The following EXOC5 variants were observed in gnomAD, a reference collection of about 807,000 sequenced individuals.
The protein encoded by EXOC5 is exocyst complex component 5, also known as SEC10-like 1.
Under a neutral mutation model 90.8 loss-of-function variants are expected in EXOC5, and 17 were observed. The observed-to-expected ratio is 0.19, with a 90% CI of 0.13 to 0.28. The LOEUF is 0.28. Ranked by LOEUF, EXOC5 falls within the 10% of genes least tolerant of loss-of-function variation. The probability of loss-of-function intolerance (pLI) is 1.00; values close to 1 mark genes in which losing one functional copy is unlikely to be tolerated. For synonymous variants in EXOC5, 260 were observed against 270.0 expected (o/e 0.96, Z 0.36); for missense variants, 569 against 830.6 (o/e 0.69, Z 3.87).
In EXOC5 at chr14:57,234,845, G is replaced by C. The variant is rs564109182; in HGVS notation, c.670-813C>G. Among the ~76,000 whole-genome samples, 6 of 152,224 alleles carry C rather than the reference G, an allele frequency of 3.9e-5. No homozygotes were observed. The South Asian group carries it at 1.2e-3, about 32-fold the overall frequency. On this transcript the variant is annotated intron_variant, in intron 7 of 17. Transcript: ENST00000621441. Reference sequence around the variant, plus strand: ...CTCCCAAAATACTAGGATTACAGGAGTGAGCCATTGCGCCTGGCCTTCTCT... The same window carrying C: ...CTCCCAAAATACTAGGATTACAGGACTGAGCCATTGCGCCTGGCCTTCTCT...
chr14:57,209,694 A>G lies in EXOC5; in HGVS notation c.1811T>C (p.Met604Thr), dbSNP rs769150822. 2 of 1,612,926 alleles carry G rather than the reference A, an allele frequency of 1.2e-6. No individual in the cohort carries two copies. Among genetic ancestry groups the G allele is most frequent in the South Asian group, 2.2e-5 (2 of 90,976 alleles). The change falls in exon 17 of 18, where the codon ATG (methionine) becomes ACG (threonine). Residue 604 changes from methionine to threonine, a missense_variant. Met to Thr is a moderately conservative substitution (Grantham distance 81). Transcript: ENST00000621441. ...MDGKNVDTVL[M>T]ELGVRFHRLI... ...TCGATGAAAACGTACTCCAAGTTCC[A>G]TCAAAACTGTATCCACATTCTTCCC...
At position 57,205,873 on chromosome 14, in the gene EXOC5, C is replaced by G. The variant is rs1882635442; in HGVS notation, c.*2736G>C. ...AAGGACTTGCAACTATGGCAATCCT[C>G]AAAATGGGACCAAAAATTGTCCTGG... On this transcript the variant is annotated 3_prime_UTR_variant, in exon 18 of 18. Transcript: ENST00000621441. The G allele has an allele frequency of 2.2e-6, 1 of 455,864 alleles. No homozygotes were observed. Among genetic ancestry groups the G allele is most frequent in the African/African-American group, 2.0e-5 (1 of 50,004 alleles). The allele number at this position is 455,864 out of a possible 1,614,324, so 28.2% of individuals were successfully genotyped here.
In EXOC5 at chr14:57,201,430, AC is replaced by A. The variant is rs1882495795; in HGVS notation, c.*7178del. 1.2e-5 allele frequency: 1 copy of A among 82,150 alleles called. No individual in the cohort carries two copies. The highest frequency in any genetic ancestry group is 2.6e-4 in the African/African-American group (1 of 3,880). 5.1% of individuals were successfully genotyped at this position (82,150 alleles called of 1,614,324 possible). A position where few individuals can be genotyped will look rare whatever the true frequency, so the allele number is the denominator to read the frequency against. ...AGAATTCTGATTAGTATATATATAT[AC>A]ACACACACACGTGTGTATATATACA... On this transcript the variant is annotated 3_prime_UTR_variant, in exon 18 of 18. Coordinates refer to ENST00000621441, the MANE Select transcript of EXOC5 (RefSeq NM_006544.4).
At chr14:57,220,340 T>C (rs1883092473) in intron 13 of EXOC5, among the ~76,000 whole-genome samples, 1 of 152,086 alleles carries the variant, frequency 6.6e-6, no homozygotes, top group Non-Finnish European at 1.5e-5. Flanking sequence ...TTGTTATTAA[T>C]GAAAGACATA....
intron 10 of EXOC5, chr14:57,232,093 T>C (rs1883504471): frequency 5.9e-6 from 1 of 170,924 alleles, no homozygotes; most frequent in South Asian, 1.5e-4. Flanking sequence ...GTTTTGTCCT[T>C]GTGGACTTTC....
At chr14:57,224,705 A>G (rs150500549) in intron 12 of EXOC5, among the ~76,000 whole-genome samples, 1 of 152,282 alleles carries the variant, frequency 6.6e-6, no homozygotes, top group East Asian at 1.9e-4. Context: ...GGTGGTGGAA[A>G]TATTTCCCAA....
intron 1 of EXOC5, among the ~76,000 whole-genome samples, chr14:57,251,624 A>G (rs888701771): frequency 6.6e-6 from 1 of 152,124 alleles, no homozygotes; most frequent in South Asian, 2.1e-4. Context: ...AGTTATTAGA[A>G]AAAGAAGTAT....
At chr14:57,241,936 A>G (rs1883873232) in intron 4 of EXOC5, among the ~76,000 whole-genome samples, 1 of 152,020 alleles carries the variant, frequency 6.6e-6, no homozygotes, top group African/African-American at 2.4e-5. Context: ...GATGGAGACC[A>G]TCCTGGCTAA....
intron 1 of EXOC5, 108 bp from the exon 2 acceptor site, chr14:57,247,820 T>G: frequency 1.9e-6 from 1 of 516,294 alleles, no homozygotes; most frequent in South Asian, 3.9e-5. Flanking sequence ...ATGAAATTAC[T>G]AATTGTTTAA....
intron 15 of EXOC5, among the ~76,000 whole-genome samples, chr14:57,213,094 G>A (rs768431425): frequency 7.9e-5 from 12 of 152,146 alleles, no homozygotes; most frequent in East Asian, 1.9e-4. Context: ...TTTGATAAAC[G>A]TAAGTGCTGC....
intron 2 of EXOC5, among the ~76,000 whole-genome samples, chr14:57,247,257 T>C (rs1884058651): frequency 6.6e-6 from 1 of 152,168 alleles, no homozygotes. Flanking sequence ...ATAAAAATAA[T>C]AATATACATT....
At chr14:57,211,577 C>T (rs1437135001) in intron 15 of EXOC5, 8 of 152,222 alleles carry the variant, frequency 5.3e-5, no homozygotes, top group Non-Finnish European at 1.5e-5. Flanking sequence ...TGAAAACCTT[C>T]CATACTCCTG....
At chr14:57,267,929 T>C (rs890480920) in intron 1 of EXOC5, among the ~76,000 whole-genome samples, 1 of 152,110 alleles carries the variant, frequency 6.6e-6, no homozygotes, top group Non-Finnish European at 1.5e-5. Context: ...TTTTATAAAC[T>C]TTTTTTATTT....
chr14:57,244,497 G>C (rs1256305027), intron 3 of EXOC5, 138 bp from the exon 4 acceptor site: 1 of 652,736 alleles, frequency 1.5e-6, no homozygotes, highest in African/African-American at 1.8e-5. Flanking sequence ...TCATTAGTGT[G>C]ACATGATCTG....
intron 1 of EXOC5, among the ~76,000 whole-genome samples, chr14:57,265,351 T>C (rs1884639396): frequency 6.6e-6 from 1 of 152,014 alleles, no homozygotes; most frequent in Non-Finnish European, 1.5e-5. Flanking sequence ...TGAAGAATTA[T>C]GGGGGAAAAA....
chr14:57,233,775 G>A lies in EXOC5; in HGVS notation c.823C>T (p.Leu275Phe), dbSNP rs1465194855. 2 of 1,588,734 alleles carry A rather than the reference G, an allele frequency of 1.3e-6. No homozygotes were observed. The highest frequency in any genetic ancestry group is 1.7e-6 in the Non-Finnish European group (2 of 1,158,096). The stretch of plus-strand genomic sequence containing the variant: ...TTGATTTCAAATACATTTTGAATAA[G>A]TTTAGCCAGGACTGTTTCTGGATTA... ...FSNPETVLAK[L>F]IQNVFEIKLQ... The change falls in exon 9 of 18, where the codon CTT becomes TTT. Residue 275 changes from leucine (L) to phenylalanine (F), a missense_variant. Around this residue, in one of 9 missense-constraint regions of EXOC5, gnomAD observed 114 missense variants for 111.2 expected, o/e 1.03. Transcript: ENST00000621441.
intron 4 of EXOC5, 114 bp from the exon 5 acceptor site, chr14:57,239,773 A>G: frequency 1.7e-6 from 1 of 588,712 alleles, no homozygotes; most frequent in Non-Finnish European, 2.9e-6. Flanking sequence ...TCCCTTCCCT[A>G]AAAAAATTTC....
chr14:57,212,240 G>A (rs1420206471), intron 15 of EXOC5, among the ~76,000 whole-genome samples: 1 of 152,200 alleles, frequency 6.6e-6, no homozygotes, highest in African/African-American at 2.4e-5. Context: ...GTCACATTGG[G>A]AAAGAGTATG....
At chr14:57,250,794 G>A (rs907655923) in intron 1 of EXOC5, among the ~76,000 whole-genome samples, 1 of 152,092 alleles carries the variant, frequency 6.6e-6, no homozygotes, top group Non-Finnish European at 1.5e-5. Flanking sequence ...GTCCAGTTGA[G>A]GTAGCTAATC....
Sources: allele counts gnomAD v4.1 joint callset (sites outside exome capture counted in the v4.1 genomes callset), GRCh38; gene constraint gnomAD v4.1.1; regional missense constraint gnomAD v4.1.1; transcripts MANE v1.5; gene names NCBI Gene and HGNC (gene_info 2026-07-23, HGNC 2026-07-21).